The following NIPBL variants were observed in gnomAD, a reference collection of about 807,000 sequenced individuals.
NIPBL encodes nipped-B-like protein.
In NIPBL, 19 loss-of-function variants were observed where a neutral mutation model predicts 321.8. The observed-to-expected ratio is 0.06, with a 90% CI of 0.04 to 0.09. NIPBL has a LOEUF of 0.09. NIPBL is among the 10% of genes least tolerant of loss of function. The pLI is 1.00. For synonymous variants in NIPBL, 1,106 were observed against 1,114.1 expected (o/e 0.99, Z 0.14); for missense variants, 2,210 against 3,327.0 (o/e 0.66, Z 8.26).
chr5:36,991,394 G>T lies in NIPBL; in HGVS notation c.3122-4228G>T, dbSNP rs192489035. On this transcript the variant is annotated intron_variant, in intron 10 of 46. Coordinates refer to ENST00000282516, the MANE Select transcript of NIPBL (RefSeq NM_133433.4). ...AAGTACAGTCATTCAATTTCTAATT[G>T]AATTGAATTTATCTAATGAAGAAAG... Among the ~76,000 whole-genome samples the T allele has an allele frequency of 2.9e-3, 440 of 152,030 alleles. 7 individuals carry two copies. Among genetic ancestry groups the T allele is most frequent in the African/African-American group, 0.01 (425 of 41,478 alleles).
chr5:37,034,331 G>A (rs1253935864), intron 32 of NIPBL, among the ~76,000 whole-genome samples: 2 of 152,172 alleles, frequency 1.3e-5, no homozygotes, highest in Non-Finnish European at 2.9e-5. Flanking sequence ...TCTCATAAAA[G>A]CATTATCTTG....
At chr5:36,982,738 G>C (rs1356102888) in intron 9 of NIPBL, among the ~76,000 whole-genome samples, 2 of 151,622 alleles carry the variant, frequency 1.3e-5, no homozygotes, top group Admixed American at 1.3e-4. Flanking sequence ...ATAAACTCTT[G>C]AGTATTTTGT....
At chr5:36,912,519 T>G (rs293773) in intron 1 of NIPBL, among the ~76,000 whole-genome samples, 15,250 of 150,526 alleles carry the variant, frequency 0.1, 2,185 homozygotes, top group African/African-American at 0.33. Flanking sequence ...TTTTTTTTTT[T>G]GGGGATGGAA....
chr5:37,038,327 C>A (rs1179113566), intron 33 of NIPBL, among the ~76,000 whole-genome samples: 1 of 152,058 alleles, frequency 6.6e-6, no homozygotes, highest in Non-Finnish European at 1.5e-5. Context: ...CATTTATTCC[C>A]AAAAGCCCAT....
chr5:36,903,384 A>G (rs555522036), intron 1 of NIPBL, among the ~76,000 whole-genome samples: 21 of 152,276 alleles, frequency 1.4e-4, no homozygotes, highest in African/African-American at 3.6e-4. Context: ...TGCTCATTCA[A>G]TATGATGTTG....
At chr5:36,908,132 CA>C (rs1359759078) in intron 1 of NIPBL, among the ~76,000 whole-genome samples, 2 of 152,090 alleles carry the variant, frequency 1.3e-5, no homozygotes, top group Non-Finnish European at 2.9e-5. Context: ...CAATAGAATA[CA>C]AAAATACTAT....
intron 1 of NIPBL, among the ~76,000 whole-genome samples, chr5:36,936,135 A>T: frequency 6.6e-6 from 1 of 152,050 alleles, no homozygotes; most frequent in South Asian, 2.1e-4. Context: ...CTTGAATTAA[A>T]TTTTTCTGTG....
At chr5:37,029,961 G>A (rs1750769354) in intron 32 of NIPBL, among the ~76,000 whole-genome samples, 1 of 152,042 alleles carries the variant, frequency 6.6e-6, no homozygotes, top group Non-Finnish European at 1.5e-5. Context: ...GTTTATGTCA[G>A]CCATCCCAAA....
chr5:36,885,375 G>T, intron 1 of NIPBL: 1 of 457,518 alleles, frequency 2.2e-6, no homozygotes, highest in Non-Finnish European at 4.3e-6. Context: ...TTCCGCGGCG[G>T]CTTGGGGTCC....
intron 1 of NIPBL, chr5:36,885,460 C>A: frequency 2.1e-6 from 1 of 480,750 alleles, no homozygotes; most frequent in South Asian, 1.6e-5. Context: ...CCCTCCAAAG[C>A]CTGAACAACC....
intron 1 of NIPBL, among the ~76,000 whole-genome samples, chr5:36,909,180 AC>A (rs1747861555): frequency 6.6e-6 from 1 of 152,158 alleles, no homozygotes; most frequent in South Asian, 2.1e-4. Flanking sequence ...GGAATTGAGT[AC>A]TAGAAACACC....
intron 1 of NIPBL, among the ~76,000 whole-genome samples, chr5:36,933,699 C>G (rs903876895): frequency 1.3e-5 from 2 of 151,988 alleles, no homozygotes; most frequent in African/African-American, 4.8e-5. Context: ...TTACCCAATT[C>G]CATTTAATTC....
intron 32 of NIPBL, among the ~76,000 whole-genome samples, chr5:37,028,364 T>C (rs1186262902): frequency 7.7e-6 from 1 of 129,524 alleles, no homozygotes; most frequent in African/African-American, 3.1e-5. Context: ...TGAGATAGAG[T>C]CTCACTCTGT....
chr5:37,059,898 T>C (rs759212577), intron 44 of NIPBL, among the ~76,000 whole-genome samples: 1 of 152,230 alleles, frequency 6.6e-6, no homozygotes, highest in Admixed American at 6.5e-5. Context: ...CCTGTAGTTT[T>C]ACCCACCAGT....
At chr5:37,048,817 G>T in intron 39 of NIPBL, 142 bp downstream of exon 39, 1 of 742,168 alleles carries the variant, frequency 1.3e-6, no homozygotes, top group Non-Finnish European at 2.2e-6. Flanking sequence ...GAGGTCTATA[G>T]CTGGGCTTTA....
chr5:37,021,861 C>G (rs1355985380), intron 27 of NIPBL, among the ~76,000 whole-genome samples, 190 bp from the exon 28 acceptor site: 4 of 152,134 alleles, frequency 2.6e-5, no homozygotes, highest in Non-Finnish European at 5.9e-5. Flanking sequence ...AAAGTATGGA[C>G]TATACACTTA....
chr5:36,995,348 C>A, intron 10 of NIPBL: 1 of 281,044 alleles, frequency 3.6e-6, no homozygotes, highest in Non-Finnish European at 6.6e-6. Flanking sequence ...AAATTGAAGG[C>A]ATTATATCAA....
intron 10 of NIPBL, among the ~76,000 whole-genome samples, chr5:36,990,306 A>G (rs1745353302): frequency 6.6e-6 from 1 of 152,204 alleles, no homozygotes; most frequent in Admixed American, 6.5e-5. Flanking sequence ...GATAACTATC[A>G]TCAGCTGGTT....
At chr5:37,030,171 A>C (rs375090817) in intron 32 of NIPBL, among the ~76,000 whole-genome samples, 1 of 152,282 alleles carries the variant, frequency 6.6e-6, no homozygotes, top group South Asian at 2.1e-4. Flanking sequence ...CTTAACAATG[A>C]TAGTTTTACT....
Sources: gnomAD v4.1 joint callset for allele counts (sites outside exome capture counted in the v4.1 genomes callset) on GRCh38, gnomAD v4.1.1 for gene constraint, MANE v1.5 for transcripts, NCBI Gene and HGNC (gene_info 2026-07-23, HGNC 2026-07-21) for gene names.